The following PARP4 variants were observed in gnomAD, a reference collection of about 807,000 sequenced individuals.
PARP4 encodes the protein poly(ADP-ribose) polymerase family member 4, also known as protein mono-ADP-ribosyltransferase PARP4.
A neutral mutation model predicts 187.7 loss-of-function variants in PARP4; 120 were observed. The ratio of observed to expected loss-of-function variants is 0.64; its 90% CI spans 0.55 to 0.74. PARP4 has a LOEUF of 0.74. Among genes scored for constraint, PARP4 ranks in the 30% least tolerant of loss-of-function variants. The pLI is 0.00. For synonymous variants in PARP4, 654 were observed against 740.9 expected, an observed-to-expected ratio of 0.88 and a Z score of 1.90; for missense variants, 1,836 against 2,070.5, an observed-to-expected ratio of 0.89 and a Z score of 2.20.
At chr13:24,492,077 T>C (rs940949472) in intron 9 of PARP4, among the ~76,000 whole-genome samples, 1 of 152,210 alleles carries the variant, frequency 6.6e-6, no homozygotes, top group Non-Finnish European at 1.5e-5. Context: ...GGACTTCTTA[T>C]TGTCTGAGAA....
chr13:24,464,424 A>T (rs970435778), intron 17 of PARP4, among the ~76,000 whole-genome samples: 1 of 152,238 alleles, frequency 6.6e-6, no homozygotes, highest in African/African-American at 2.4e-5. Context: ...TAATCAAAAC[A>T]GCATGGTACT....
chr13:24,450,721 G>T (rs928628317), intron 24 of PARP4, among the ~76,000 whole-genome samples: 10 of 152,232 alleles, frequency 6.6e-5, no homozygotes, highest in African/African-American at 2.2e-4. Context: ...GAAGATGAGG[G>T]AGAAACACTT....
At chr13:24,482,310 TA>T (rs1873321338) in intron 12 of PARP4, among the ~76,000 whole-genome samples, 2 of 152,188 alleles carry the variant, frequency 1.3e-5, no homozygotes, top group South Asian at 4.1e-4. Context: ...GGATTTTGAA[TA>T]TCACATAAAC....
Position 24,421,111 on chromosome 13 carries a change from C to G in PARP4, c.*8G>C. 1 of 1,329,338 alleles carries G rather than the reference C, an allele frequency of 7.5e-7. No individual in the cohort carries two copies. Among genetic ancestry groups the G allele is most frequent in the Non-Finnish European group, 1.0e-6 (1 of 986,252 alleles). 82.3% of individuals were successfully genotyped at this position (1,329,338 alleles called of 1,614,324 possible). ...ATGCAAAAAGTTTAAAATTCAGTTT[C>G]ATTTGACTTAGCCTTGACTGTAATG... On this transcript the variant is annotated 3_prime_UTR_variant, in exon 34 of 34. Transcript: ENST00000381989.
intron 17 of PARP4, among the ~76,000 whole-genome samples, chr13:24,467,894 T>C (rs1872551871): frequency 6.6e-6 from 1 of 152,194 alleles, no homozygotes; most frequent in Admixed American, 6.5e-5. Context: ...TACATACAGT[T>C]TGGCCATACA....
In PARP4 at chr13:24,499,257, G is replaced by A. The variant is rs745582038; in HGVS notation, c.477+44C>T. On this transcript the variant is annotated intron_variant, in intron 5 of 33. Transcript: ENST00000381989. ...AAACACCCAGAAGACATTCAAACAG[G>A]TGTGTTTTTTTTTTTTTTTGCTAAC... 5.5e-6 allele frequency: 8 copies of A among 1,453,080 alleles called. No homozygotes were observed. In the African/African-American group the frequency reaches 1.1e-4, roughly 19 times the overall value. 90.0% of individuals were successfully genotyped at this position (1,453,080 alleles called of 1,614,324 possible). A position where few individuals can be genotyped will look rare whatever the true frequency, so the allele number is the denominator to read the frequency against.
At chr13:24,471,156 A>G (rs2137501406) in intron 15 of PARP4, among the ~76,000 whole-genome samples, 1 of 152,366 alleles carries the variant, frequency 6.6e-6, no homozygotes, top group East Asian at 1.9e-4. Context: ...TTGACTGTGC[A>G]CGGAACTCCT....
At chr13:24,444,076 A>G (rs1246720333) in intron 27 of PARP4, among the ~76,000 whole-genome samples, 1 of 152,240 alleles carries the variant, frequency 6.6e-6, no homozygotes, top group Non-Finnish European at 1.5e-5. Flanking sequence ...CTTTTCTACC[A>G]TGGGAAGAGC....
chr13:24,495,878 G>C (rs181344655), intron 6 of PARP4, among the ~76,000 whole-genome samples: 228 of 152,310 alleles, frequency 1.5e-3, no homozygotes, highest in African/African-American at 5.2e-3. Flanking sequence ...AGAAGGGCAG[G>C]CTGGAAAATC....
At chr13:24,485,973 C>T (rs1566014178) in intron 11 of PARP4, among the ~76,000 whole-genome samples, 195 bp downstream of exon 11, 1 of 152,142 alleles carries the variant, frequency 6.6e-6, no homozygotes, top group East Asian at 1.9e-4. Flanking sequence ...TGTGACCCAC[C>T]ATGCCTGGCC....
chr13:24,454,686 C>CAGTTTAA (rs1871725121), intron 22 of PARP4, among the ~76,000 whole-genome samples: 1 of 152,182 alleles, frequency 6.6e-6, no homozygotes, highest in Admixed American at 6.5e-5. Flanking sequence ...TTACTGTGAA[C>CAGTTTAA]AGGCACAGTT....
intron 7 of PARP4, among the ~76,000 whole-genome samples, chr13:24,494,179 C>A (rs1868816248): frequency 6.6e-6 from 1 of 152,314 alleles, no homozygotes; most frequent in East Asian, 1.9e-4. Flanking sequence ...TTTCTGAACT[C>A]CTCCTCTTCC....
rs1343739294 is a variant in PARP4 at position 24,459,427 on chromosome 13, T to C, written c.2299-117A>G. Reference sequence around the variant, plus strand: ...GTCAGCAAGACAGCTGGTTTCACTTTCAAGCAGTGAAACACAGAAAGTTTG... The same window carrying C: ...GTCAGCAAGACAGCTGGTTTCACTTCCAAGCAGTGAAACACAGAAAGTTTG... On this transcript the variant is annotated intron_variant, in intron 18 of 33. Transcript: ENST00000381989. 6.0e-5 allele frequency: 58 copies of C among 963,824 alleles called. No individual in the cohort carries two copies. In the East Asian group the frequency reaches 1.5e-3, roughly 26 times the overall value. 59.7% of individuals were successfully genotyped at this position (963,824 alleles called of 1,614,324 possible). A position where few individuals can be genotyped will look rare whatever the true frequency, so the allele number is the denominator to read the frequency against.
At chr13:24,489,856 T>C (rs1461787949) in intron 10 of PARP4, among the ~76,000 whole-genome samples, 1 of 152,132 alleles carries the variant, frequency 6.6e-6, no homozygotes, top group African/African-American at 2.4e-5. Context: ...CTGATTTCCA[T>C]GGCGCAAATC....
intron 5 of PARP4, among the ~76,000 whole-genome samples, chr13:24,498,490 A>G (rs1869086436): frequency 6.6e-6 from 1 of 152,164 alleles, no homozygotes; most frequent in Non-Finnish European, 1.5e-5. Flanking sequence ...ACCACTTTTC[A>G]TGTTTTCCTT....
Position 24,486,280 on chromosome 13 carries a change from T to C in PARP4, c.1240A>G (p.Ile414Val). 1.2e-6 allele frequency: 2 copies of C among 1,605,702 alleles called. No individual in the cohort carries two copies. Among genetic ancestry groups the C allele is most frequent in the South Asian group, 2.2e-5 (2 of 90,778 alleles). The stretch of plus-strand genomic sequence containing the variant: ...TCATTCACTCTGCCAACTCTAAATA[T>C]CTGCAAGACATCCACTGGGCTCTTA... ...HSKSPVDVLQ[I>V]FRVGRVNETT... The change falls in exon 11 of 34, where the codon ATA (isoleucine) becomes GTA (valine). Residue 414 changes from isoleucine to valine, a missense_variant. Coordinates refer to ENST00000381989, the MANE Select transcript of PARP4 (RefSeq NM_006437.4).
chr13:24,441,777 A>G, intron 30 of PARP4, 69 bp downstream of exon 30: 2 of 1,453,364 alleles, frequency 1.4e-6, no homozygotes, highest in South Asian at 2.6e-5. Flanking sequence ...CTATTTTAGC[A>G]AAGGGTTCCC....
intron 11 of PARP4, among the ~76,000 whole-genome samples, chr13:24,485,694 C>T (rs1425519712): frequency 6.6e-6 from 1 of 152,166 alleles, no homozygotes; most frequent in African/African-American, 2.4e-5. Context: ...TTGTCTGATG[C>T]ACACTCTAAT....
intron 17 of PARP4, among the ~76,000 whole-genome samples, chr13:24,460,490 G>C (rs1388246133): frequency 2.5e-5 from 3 of 119,962 alleles, no homozygotes; most frequent in African/African-American, 1.1e-4. Flanking sequence ...GGGCTCTGCT[G>C]CATGGGTGGG....
Sources: gnomAD v4.1 joint callset for allele counts (sites outside exome capture counted in the v4.1 genomes callset) on GRCh38, gnomAD v4.1.1 for gene constraint, MANE v1.5 for transcripts, NCBI Gene and HGNC (gene_info 2026-07-23, HGNC 2026-07-21) for gene names.